SEPTIN4: variants seen among roughly 807,000 people sequenced by gnomAD.
The protein encoded by SEPTIN4 is septin-4.
In SEPTIN4, 52 loss-of-function variants were observed where a neutral mutation model predicts 107.1. The observed-to-expected ratio is 0.49, with a 90% CI of 0.39 to 0.61. SEPTIN4 has a LOEUF of 0.61. Among genes scored for constraint, SEPTIN4 ranks in the 20% least tolerant of loss-of-function variants. SEPTIN4 has a pLI of 0.00. For synonymous variants in SEPTIN4, 417 were observed against 467.0 expected (o/e 0.89, Z 1.38); for missense variants, 1,048 against 1,243.5 (o/e 0.84, Z 2.36).
intron 3 of SEPTIN4, chr17:58,529,234 A>G (rs1183457131): frequency 6.2e-7 from 1 of 1,613,820 alleles, no homozygotes; most frequent in African/African-American, 1.3e-5. Flanking sequence ...TCCCAGGCAA[A>G]GTTCCTCACA....
At chr17:58,529,001 C>T (rs2043216363) in intron 3 of SEPTIN4, 1 of 1,291,888 alleles carries the variant, frequency 7.7e-7, no homozygotes, top group Non-Finnish European at 1.1e-6. Flanking sequence ...GCCTGTCCAT[C>T]CCCACTCCCA....
In SEPTIN4 at chr17:58,543,744, G is replaced by A; in HGVS notation, c.443C>T (p.Ser148Leu). 4 of 1,614,212 alleles carry A rather than the reference G, an allele frequency of 2.5e-6. No individual in the cohort carries two copies. Among genetic ancestry groups the A allele is most frequent in the Non-Finnish European group, 3.4e-6 (4 of 1,180,036 alleles). The change falls in exon 1 of 14, where the codon TCA (serine) becomes TTA (leucine). Residue 148 changes from serine to leucine, a missense_variant. Physicochemically the swap from Ser to Leu is moderately radical, Grantham distance 145. This residue lies in a region of SEPTIN4 where 787 missense variants were observed against 871.8 expected (regional missense o/e 0.90). Transcript: ENST00000672673. ...KSGREVGHHASSIPDAKSTHQ... is the reference protein window; with the variant it reads ...KSGREVGHHALSIPDAKSTHQ... ...AGTAGATTTGGCATCTGGGATTGAT[G>A]AAGCATGATGGCCGACCTCGCGCCC...
At chr17:58,522,264 G>A (rs2042352920) in intron 7 of SEPTIN4, among the ~76,000 whole-genome samples, 163 bp from the exon 8 acceptor site, 1 of 152,050 alleles carries the variant, frequency 6.6e-6, no homozygotes, top group Non-Finnish European at 1.5e-5. Flanking sequence ...AATGGGGTGG[G>A]GTGTATCTCA....
chr17:58,543,537 C>A lies in SEPTIN4; in HGVS notation c.650G>T (p.Arg217Ile), dbSNP rs754280123. ...TAGGAGAGAGGGACTCCTTGGAGATCTGATCTCACTAGTAGTCGTAATTCT... is the reference window on the plus strand; with the variant it reads ...TAGGAGAGAGGGACTCCTTGGAGATATGATCTCACTAGTAGTCGTAATTCT... ...IQRITTTSEI[R>I]SPRSPSLLEH... is the part of the protein sequence containing the mutation. The change falls in exon 1 of 14, where the codon AGA becomes ATA. Residue 217 changes from arginine to isoleucine, a missense_variant. Physicochemically the swap from Arg to Ile is moderately conservative, Grantham distance 97. Transcript: ENST00000672673. 3 of 1,614,182 alleles carry A rather than the reference C, an allele frequency of 1.9e-6. No individual in the cohort carries two copies. Among genetic ancestry groups the A allele is most frequent in the Non-Finnish European group, 2.5e-6 (3 of 1,180,026 alleles).
At chr17:58,540,189 T>G (rs577724885) in intron 3 of SEPTIN4, among the ~76,000 whole-genome samples, 1 of 152,336 alleles carries the variant, frequency 6.6e-6, no homozygotes, top group East Asian at 1.9e-4. Flanking sequence ...GACACGGGAC[T>G]GCTGACAGCA....
chr17:58,525,509 T>C (rs2042752603), intron 6 of SEPTIN4, 186 bp downstream of exon 6: 1 of 625,120 alleles, frequency 1.6e-6, no homozygotes, highest in African/African-American at 1.8e-5. Context: ...CTGCCCTGCT[T>C]CAGCACCCAA....
At chr17:58,537,663 C>G (rs1177918709) in intron 3 of SEPTIN4, among the ~76,000 whole-genome samples, 2 of 151,998 alleles carry the variant, frequency 1.3e-5, no homozygotes, top group Non-Finnish European at 2.9e-5. Context: ...AACCTCGTCT[C>G]CACTAAAAAT....
intron 3 of SEPTIN4, chr17:58,531,981 G>A (rs2043512651): frequency 4.4e-6 from 5 of 1,145,910 alleles, no homozygotes; most frequent in Non-Finnish European, 5.4e-6. Context: ...GCCCGGGCGG[G>A]GCCGGCTCCG....
intron 5 of SEPTIN4, 30 bp downstream of exon 5, chr17:58,526,190 C>A: frequency 6.4e-7 from 1 of 1,553,400 alleles, no homozygotes; most frequent in Non-Finnish European, 8.7e-7. Flanking sequence ...GAAACACACC[C>A]TGCCCAACCC....
At chr17:58,540,528 T>C in intron 3 of SEPTIN4, 138 bp downstream of exon 3, 1 of 580,170 alleles carries the variant, frequency 1.7e-6, no homozygotes, top group Non-Finnish European at 2.6e-6. Context: ...GGTGCTCTTG[T>C]GCAGTGAACA....
At chr17:58,534,078 A>G (rs1347013511) in intron 3 of SEPTIN4, among the ~76,000 whole-genome samples, 2 of 152,212 alleles carry the variant, frequency 1.3e-5, no homozygotes, top group Admixed American at 6.5e-5. Flanking sequence ...CCCAGGCAGC[A>G]GGTTGGTACC....
chr17:58,539,544 T>C (rs1215376539), intron 3 of SEPTIN4, among the ~76,000 whole-genome samples: 3 of 152,196 alleles, frequency 2.0e-5, no homozygotes, highest in Non-Finnish European at 4.4e-5. Context: ...CTCAGCCTGT[T>C]CCATCTATTT....
In SEPTIN4 at chr17:58,544,006, GAGT is replaced by G. The variant is rs1567980759; in HGVS notation, c.178_180del (p.Thr60del). On this transcript the variant is annotated inframe_deletion, in exon 1 of 14. Transcript: ENST00000672673. Reference sequence around the variant, plus strand: ...CGAGGGTAGTCTGATGCTGAATGGGGAGTGGTGGGATGTGCAGCTTCTGATCTT... The same window carrying G: ...CGAGGGTAGTCTGATGCTGAATGGGGGGTGGGATGTGCAGCTTCTGATCTT... 2 of 1,614,060 alleles carry G rather than the reference GAGT, an allele frequency of 1.2e-6. No individual in the cohort carries two copies.
At chr17:58,532,983 C>G (rs1453271196) in intron 3 of SEPTIN4, among the ~76,000 whole-genome samples, 1 of 152,170 alleles carries the variant, frequency 6.6e-6, no homozygotes, top group Non-Finnish European at 1.5e-5. Flanking sequence ...CTTCCTGACC[C>G]GCAAGACCCC....
intron 3 of SEPTIN4, chr17:58,527,286 C>T (rs530396320): frequency 2.0e-5 from 11 of 546,450 alleles, no homozygotes; most frequent in African/African-American, 1.5e-4. Context: ...TCCTTCTCAG[C>T]AGCATGTTTT....
chr17:58,543,598 G>GGTAAGACAAA lies in SEPTIN4; in HGVS notation c.579_588dup (p.Pro197PhefsTer7). The GGTAAGACAAA allele has an allele frequency of 6.2e-7, 1 of 1,614,116 alleles. No individual in the cohort carries two copies. The highest frequency in any genetic ancestry group is 8.5e-7 in the Non-Finnish European group (1 of 1,180,014). ...TCAGTTTGTACTGCTTCATCCTTTG[G>GGTAAGACAAA]GTAAGACAAAATCCTACGGGGAACT... On this transcript the variant is annotated frameshift_variant, in exon 1 of 14. Transcript: ENST00000672673. LOFTEE classifies it high-confidence loss of function.
In SEPTIN4 at chr17:58,531,885, T is replaced by C. The variant is rs1166735787; in HGVS notation, c.1615-4907A>G. The stretch of plus-strand genomic sequence containing the variant: ...GCGGCTGCGGTGCCGCGGGTCCCCT[T>C]GCAGCCGCCCGGGAGCGACCGGCCC... On this transcript the variant is annotated intron_variant, in intron 3 of 13. Coordinates refer to ENST00000672673, the MANE Select transcript of SEPTIN4 (RefSeq NM_001368771.2). 3.1e-5 allele frequency: 34 copies of C among 1,109,956 alleles called. No individual in the cohort carries two copies. The East Asian group carries it at 1.6e-3, about 51-fold the overall frequency. 68.8% of individuals were successfully genotyped at this position (1,109,956 alleles called of 1,614,324 possible).
In SEPTIN4 at chr17:58,536,274, G is replaced by T. The variant is rs1467641927; in HGVS notation, c.1614+4392C>A. The stretch of plus-strand genomic sequence containing the variant: ...GAAAACCCACTAATGCACTTAACAT[G>T]ATCACTAAATGAATGGTAGCTATTA... On this transcript the variant is annotated intron_variant, in intron 3 of 13. Transcript: ENST00000672673. 2.6e-5 allele frequency among the ~76,000 whole-genome samples: 4 copies of T among 152,138 alleles called. No individual in the cohort carries two copies. In the South Asian group the frequency reaches 6.2e-4, roughly 24 times the overall value.
chr17:58,522,052 G>A lies in SEPTIN4; in HGVS notation c.2266C>T (p.Arg756Ter), dbSNP rs754800685. The A allele has an allele frequency of 1.2e-5, 19 of 1,614,044 alleles. No individual in the cohort carries two copies. Among genetic ancestry groups the A allele is most frequent in the African/African-American group, 5.3e-5 (4 of 74,914 alleles). The change falls in exon 8 of 14, where the codon CGA (arginine) becomes TGA (stop). Residue 756 changes from arginine to a stop codon, truncating the protein, a stop_gained. Transcript: ENST00000672673. LOFTEE classifies it high-confidence loss of function. ...YIDQQFEQYF[R>*]DESGLNRKNI... is the part of the protein sequence containing the mutation. ...TTTCGGTTCAGGCCACTCTCGTCTCGGAAATACTGCTCAAACTGCTGATCA... is the reference window on the plus strand; with the variant it reads ...TTTCGGTTCAGGCCACTCTCGTCTCAGAAATACTGCTCAAACTGCTGATCA...
Sources: allele counts gnomAD v4.1 joint callset (sites outside exome capture counted in the v4.1 genomes callset), GRCh38; gene constraint gnomAD v4.1.1; regional missense constraint gnomAD v4.1.1; transcripts MANE v1.5; gene names NCBI Gene and HGNC (gene_info 2026-07-23, HGNC 2026-07-21).